The following PIAS1 variants were observed in gnomAD, a reference collection of about 807,000 sequenced individuals.
The protein encoded by PIAS1 is protein inhibitor of activated STAT 1.
Under a neutral mutation model 71.3 loss-of-function variants are expected in PIAS1, and 6 were observed. The observed-to-expected ratio is 0.08, with a 90% CI of 0.05 to 0.17. The LOEUF (loss-of-function observed/expected upper bound fraction) is 0.17, where lower values mean the gene tolerates loss of function less well. PIAS1 is among the 10% of genes least tolerant of loss of function. The pLI is 1.00. For synonymous variants in PIAS1, 303 were observed against 292.9 expected, an observed-to-expected ratio of 1.03 and a Z score of -0.35; for missense variants, 555 against 793.6, an observed-to-expected ratio of 0.70 and a Z score of 3.61.
At chr15:68,059,254 G>A (rs1341898612) in intron 1 of PIAS1, among the ~76,000 whole-genome samples, 1 of 151,850 alleles carries the variant, frequency 6.6e-6, no homozygotes, top group African/African-American at 2.4e-5. Flanking sequence ...TGATTTGCCC[G>A]TCTCGGCCTC....
intron 1 of PIAS1, among the ~76,000 whole-genome samples, chr15:68,061,822 G>A (rs565463459): frequency 1.3e-5 from 2 of 152,194 alleles, no homozygotes; most frequent in Admixed American, 1.3e-4. Flanking sequence ...CTATTGTCTG[G>A]CCCCATTCCA....
At position 68,175,751 on chromosome 15, in the gene PIAS1, T is replaced by G. The variant is rs757296725; in HGVS notation, c.1284T>G (p.Ser428=). ...AGGAAGTACAGGAAGTTTCTGCCTC[T>G]TACAATGGAGTCGATGGTGAGTAGT... ...SKKEVQEVSA[S]YNGVDGCLSS... The change falls in exon 10 of 14, where the codon TCT becomes TCG. Residue 428 remains serine (S), a synonymous_variant. Coordinates refer to ENST00000249636, the MANE Select transcript of PIAS1 (RefSeq NM_016166.3). 1.2e-6 allele frequency: 2 copies of G among 1,605,800 alleles called. No homozygotes were observed. Among genetic ancestry groups the G allele is most frequent in the Non-Finnish European group, 1.7e-6 (2 of 1,175,446 alleles).
intron 12 of PIAS1, 178 bp downstream of exon 12, chr15:68,181,532 G>T: frequency 1.8e-6 from 1 of 567,736 alleles, no homozygotes; most frequent in East Asian, 3.0e-5. Flanking sequence ...TTCGTTGATT[G>T]TACTGTCATC....
chr15:68,088,176 G>GTATGTATATATATA (rs1555424823), intron 2 of PIAS1, among the ~76,000 whole-genome samples: 8 of 72,996 alleles, frequency 1.1e-4, no homozygotes, highest in African/African-American at 5.0e-4. Context: ...TTATGTGTGT[G>GTATGTATATATATA]TATATATATA....
intron 11 of PIAS1, among the ~76,000 whole-genome samples, chr15:68,177,603 T>A (rs971071146): frequency 1.3e-4 from 20 of 152,222 alleles, no homozygotes; most frequent in African/African-American, 4.6e-4. Context: ...GAAACATTGT[T>A]ATCTACTTTG....
chr15:68,099,602 G>A (rs1295307056), intron 2 of PIAS1, among the ~76,000 whole-genome samples: 1 of 151,314 alleles, frequency 6.6e-6, no homozygotes, highest in South Asian at 2.1e-4. Context: ...ATGGACATAA[G>A]TTTTCTTTTC....
At chr15:68,101,951 G>T (rs529491392) in intron 2 of PIAS1, among the ~76,000 whole-genome samples, 1 of 152,142 alleles carries the variant, frequency 6.6e-6, no homozygotes, top group East Asian at 1.9e-4. Context: ...ACGGGATCTG[G>T]TCTCATACTC....
chr15:68,141,834 A>G (rs1438645394), intron 2 of PIAS1, 112 bp from the exon 3 acceptor site: 3 of 629,550 alleles, frequency 4.8e-6, no homozygotes, highest in East Asian at 2.8e-5. Flanking sequence ...CTTGTTATCT[A>G]AACTCTAGAA....
At chr15:68,055,122 G>T (rs976560537) in intron 1 of PIAS1, 1 of 728,496 alleles carries the variant, frequency 1.4e-6, no homozygotes, top group Non-Finnish European at 1.7e-6. Context: ...GTTGGGAGGG[G>T]GGGATGCAGC....
rs71455574 is a variant in PIAS1 at position 68,088,176 on chromosome 15, GTATATATATA to G, written c.469+1442_469+1451del. 4.2e-4 allele frequency among the ~76,000 whole-genome samples: 31 copies of G among 72,998 alleles called. 2 individuals carry two copies. The highest frequency in any genetic ancestry group is 2.0e-3 in the South Asian group (3 of 1,476). The allele number at this position is 72,998 out of a possible 152,430, so 47.9% of individuals were successfully genotyped here. ...TTCTTGTCTGTCTGATTATGTGTGT[GTATATATATA>G]TATATATATATATATCCCATTTTAA... On this transcript the variant is annotated intron_variant, in intron 2 of 13. Coordinates refer to ENST00000249636, the MANE Select transcript of PIAS1 (RefSeq NM_016166.3).
Position 68,086,115 on chromosome 15 carries a change from TTA to T in PIAS1, c.25-190_25-189del, listed in dbSNP as rs1567034630. 6.6e-6 allele frequency among the ~76,000 whole-genome samples: 1 copy of T among 152,216 alleles called. No individual in the cohort carries two copies. The highest frequency in any genetic ancestry group is 1.5e-5 in the Non-Finnish European group (1 of 68,042). ...GTAGAAGTCAATGAATTTATGAATA[TTA>T]ATTTTAAATTTCTTTGGTTACTTAA... On this transcript the variant is annotated intron_variant, in intron 1 of 13. Transcript: ENST00000249636. This position sits in a 1 kb window ranked among gnomAD's most constrained non-coding sequence, Gnocchi z 7.2.
At chr15:68,082,157 T>C (rs1360289922) in intron 1 of PIAS1, among the ~76,000 whole-genome samples, 1 of 152,136 alleles carries the variant, frequency 6.6e-6, no homozygotes, top group African/African-American at 2.4e-5. Flanking sequence ...ATGAAGATTT[T>C]AAAAATACAA....
At chr15:68,135,159 C>T (rs1475907223) in intron 2 of PIAS1, among the ~76,000 whole-genome samples, 1 of 47,790 alleles carries the variant, frequency 2.1e-5, no homozygotes, top group Non-Finnish European at 8.6e-5. Flanking sequence ...CCCCCCACCT[C>T]CCTCCCGGAC....
chr15:68,107,808 C>A (rs1049038665), intron 2 of PIAS1, among the ~76,000 whole-genome samples: 3 of 151,154 alleles, frequency 2.0e-5, no homozygotes, highest in Non-Finnish European at 2.9e-5. Flanking sequence ...AAAAAAAAAA[C>A]TCTAAATATA....
chr15:68,066,517 A>C (rs1376275410), intron 1 of PIAS1, among the ~76,000 whole-genome samples: 3 of 152,144 alleles, frequency 2.0e-5, no homozygotes, highest in South Asian at 4.1e-4. Context: ...GCTCTTACCA[A>C]ATATATATGA....
chr15:68,089,437 T>C (rs942827594), intron 2 of PIAS1, among the ~76,000 whole-genome samples: 6 of 152,254 alleles, frequency 3.9e-5, no homozygotes, highest in Non-Finnish European at 1.5e-5. Flanking sequence ...TTATTTCAAA[T>C]GCTTTTTTTC....
chr15:68,187,554 TC>T lies in PIAS1; in HGVS notation c.1677del (p.Leu560CysfsTer34). Reference sequence around the variant, plus strand: ...TTCCCCTCCCTAGCATTACAACACCTCCTTGCTTGCCGCTGCAGCAGCAGCA... The same window carrying T: ...TTCCCCTCCCTAGCATTACAACACCTCTTGCTTGCCGCTGCAGCAGCAGCA... ...LSGDNQHYNTSLLAAAAAAVS... is the reference protein window; with the variant it reads ...LSGDNQHYNTXLLAAAAAAVS... On this transcript the variant is annotated frameshift_variant, in exon 14 of 14. Transcript: ENST00000249636. LOFTEE classifies it high-confidence loss of function. This position sits in a 1 kb window ranked among gnomAD's most constrained non-coding sequence, Gnocchi z 5.3. 6.2e-7 allele frequency: 1 copy of T among 1,613,792 alleles called. No individual in the cohort carries two copies. Among genetic ancestry groups the T allele is most frequent in the Non-Finnish European group, 8.5e-7 (1 of 1,179,702 alleles).
At chr15:68,077,351 A>G (rs185762824) in intron 1 of PIAS1, among the ~76,000 whole-genome samples, 174 of 152,352 alleles carry the variant, frequency 1.1e-3, no homozygotes, top group Non-Finnish European at 8.8e-4. Flanking sequence ...TCTGAGTACT[A>G]TGGACTGCAG....
chr15:68,154,189 G>A (rs956996973), intron 7 of PIAS1, among the ~76,000 whole-genome samples: 1 of 152,192 alleles, frequency 6.6e-6, no homozygotes, highest in Non-Finnish European at 1.5e-5. Flanking sequence ...AGAAGTTTAT[G>A]CCGTCTGATT....
Sources: allele counts gnomAD v4.1 joint callset (sites outside exome capture counted in the v4.1 genomes callset), GRCh38; gene constraint gnomAD v4.1.1; non-coding constraint Gnocchi (gnomAD v3.1); transcripts MANE v1.5; gene names NCBI Gene and HGNC (gene_info 2026-07-23, HGNC 2026-07-21).